PADI2: variants seen among roughly 807,000 people sequenced by gnomAD.
PADI2 encodes protein-arginine deiminase type-2.
In PADI2, 70 loss-of-function variants were observed where a neutral mutation model predicts 81.1. That is an observed-to-expected ratio of 0.86 (90% CI 0.71 to 1.05). PADI2 has a LOEUF of 1.05. Ranked by LOEUF, PADI2 falls within the 50% of genes least tolerant of loss-of-function variation. The probability of loss-of-function intolerance (pLI) is 0.00; values close to 1 mark genes in which losing one functional copy is unlikely to be tolerated. For synonymous variants in PADI2, 338 were observed against 358.0 expected (o/e 0.94, Z 0.63); for missense variants, 853 against 889.9 (o/e 0.96, Z 0.53).
Position 17,075,698 on chromosome 1 carries a change from A to G in PADI2, c.1436T>C (p.Val479Ala), listed in dbSNP as rs1207638911. The change falls in exon 12 of 16, where the codon GTC becomes GCC. Residue 479 changes from valine (V) to alanine (A), a missense_variant. Val to Ala is a moderately conservative substitution (Grantham distance 64, BLOSUM62 0). Transcript: ENST00000375486. ...GCTTACCTTTGTGCCGGGGATGGGGACAAAGGACATGAACTCATCCACGTG... is the reference window on the plus strand; with the variant it reads ...GCTTACCTTTGTGCCGGGGATGGGGGCAAAGGACATGAACTCATCCACGTG... ...VGHVDEFMSF[V>A]PIPGTKKFLL... is the part of the protein sequence containing the mutation. The G allele has an allele frequency of 6.8e-6, 11 of 1,612,986 alleles. No homozygotes were observed. The highest frequency in any genetic ancestry group is 8.5e-6 in the Non-Finnish European group (10 of 1,179,664).
At chr1:17,070,661 C>T in intron 14 of PADI2, among the ~76,000 whole-genome samples, 1 of 152,020 alleles carries the variant, frequency 6.6e-6, no homozygotes, top group East Asian at 1.9e-4. Context: ...TATTATTATT[C>T]CCTTTTAATT....
rs747897135 is a variant in PADI2 at position 17,082,586 on chromosome 1, G to C, written c.1117C>G (p.Arg373Gly). 1.2e-6 allele frequency: 2 copies of C among 1,613,556 alleles called. No individual in the cohort carries two copies. Among genetic ancestry groups the C allele is most frequent in the Non-Finnish European group, 1.7e-6 (2 of 1,179,666 alleles). ...GGGAAGTCCTTTAGGTTTCCATCTCGGGGAGAGTCCAGCACCACGGGGAAG... is the reference window on the plus strand; with the variant it reads ...GGGAAGTCCTTTAGGTTTCCATCTCCGGGAGAGTCCAGCACCACGGGGAAG... Reference protein sequence around the residue: ...KGFPVVLDSPRDGNLKDFPVK... With the variant: ...KGFPVVLDSPGDGNLKDFPVK... The change falls in exon 10 of 16, where the codon CGA becomes GGA. Residue 373 changes from arginine (R) to glycine (G), a missense_variant. By Grantham distance (125) the Arg-to-Gly change is moderately radical. Coordinates refer to ENST00000375486, the MANE Select transcript of PADI2 (RefSeq NM_007365.3).
At chr1:17,073,650 A>T (rs1443449585) in intron 13 of PADI2, among the ~76,000 whole-genome samples, 1 of 151,882 alleles carries the variant, frequency 6.6e-6, no homozygotes, top group Non-Finnish European at 1.5e-5. Flanking sequence ...TGAATGACTA[A>T]CTGTTGTCTA....
chr1:17,100,660 AT>A (rs11380769), intron 3 of PADI2, among the ~76,000 whole-genome samples: 1,731 of 131,002 alleles, frequency 0.013, 20 homozygotes, highest in African/African-American at 0.034. Flanking sequence ...TTGATAGCAA[AT>A]TTTTTTTTTT....
chr1:17,084,819 TGC>T, intron 7 of PADI2, 117 bp from the exon 8 acceptor site: 6 of 655,578 alleles, frequency 9.2e-6, no homozygotes, highest in Non-Finnish European at 1.4e-5. Flanking sequence ...GGACTTGCTA[TGC>T]ACCAAGCCTG....
At chr1:17,089,597 T>C (rs1474347799) in intron 6 of PADI2, among the ~76,000 whole-genome samples, 2 of 152,162 alleles carry the variant, frequency 1.3e-5, no homozygotes, top group African/African-American at 4.8e-5. Context: ...GCCCGTGGCC[T>C]GTGATTCACA....
intron 4 of PADI2, among the ~76,000 whole-genome samples, chr1:17,094,490 C>T (rs187171588): frequency 6.6e-6 from 1 of 152,316 alleles, no homozygotes; most frequent in African/African-American, 2.4e-5. Context: ...GACAGAGCAG[C>T]TTCCCCGGGT....
At position 17,100,963 on chromosome 1, in the gene PADI2, A is replaced by G. The variant is rs145311662; in HGVS notation, c.349+2024T>C. 3.4e-3 allele frequency among the ~76,000 whole-genome samples: 522 copies of G among 152,106 alleles called. 1 individual carries two copies. Among genetic ancestry groups the G allele is most frequent in the African/African-American group, 0.012 (490 of 41,486 alleles). ...GCGTGAGACACCGCGCCTGGCCACAAATTGTTTTATTGATGTATTTTTTTT... is the reference window on the plus strand; with the variant it reads ...GCGTGAGACACCGCGCCTGGCCACAGATTGTTTTATTGATGTATTTTTTTT... On this transcript the variant is annotated intron_variant, in intron 3 of 15. Coordinates refer to ENST00000375486, the MANE Select transcript of PADI2 (RefSeq NM_007365.3).
At chr1:17,086,485 G>A (rs766132052) in intron 7 of PADI2, 36 bp downstream of exon 7, 7 of 1,578,294 alleles carry the variant, frequency 4.4e-6, no homozygotes, top group Non-Finnish European at 6.0e-6. Context: ...TGGCCCCTGG[G>A]GTTAGCCCCC....
chr1:17,095,731 C>T (rs2076609), intron 4 of PADI2, among the ~76,000 whole-genome samples, 178 bp downstream of exon 4: 84,574 of 152,072 alleles, frequency 0.56, 23,990 homozygotes, highest in Non-Finnish European at 0.63. Flanking sequence ...GCTCTGTTGC[C>T]GTCTCTAGGA....
At chr1:17,110,734 T>G (rs1191122784) in intron 1 of PADI2, among the ~76,000 whole-genome samples, 1 of 152,212 alleles carries the variant, frequency 6.6e-6, no homozygotes, top group East Asian at 1.9e-4. Flanking sequence ...AGCAAGACTT[T>G]CCCCTGACTT....
chr1:17,094,093 C>T (rs570787642), intron 4 of PADI2, among the ~76,000 whole-genome samples: 1 of 152,242 alleles, frequency 6.6e-6, no homozygotes, highest in East Asian at 1.9e-4. Context: ...CCTAGTGCTC[C>T]GAATGGGACC....
chr1:17,103,162 A>C lies in PADI2; in HGVS notation c.277-103T>G, dbSNP rs1931213084. 3.7e-6 allele frequency: 3 copies of C among 801,182 alleles called. No homozygotes were observed. In the South Asian group the frequency reaches 4.5e-5, roughly 12 times the overall value. The allele number at this position is 801,182 out of a possible 1,614,324, so 49.6% of individuals were successfully genotyped here. On this transcript the variant is annotated intron_variant, in intron 2 of 15. Coordinates refer to ENST00000375486, the MANE Select transcript of PADI2 (RefSeq NM_007365.3). ...CAACTGCTGTCCCTCACAGCTTGTC[A>C]AGCCAACCCTCTCCAAACATCAGAA... is the stretch of plus-strand genomic sequence containing the variant.
At chr1:17,102,763 G>A (rs1931193207) in intron 3 of PADI2, among the ~76,000 whole-genome samples, 1 of 149,578 alleles carries the variant, frequency 6.7e-6, no homozygotes, top group Non-Finnish European at 1.5e-5. Flanking sequence ...GGGGGGGGTT[G>A]CTGATGGATC....
intron 6 of PADI2, among the ~76,000 whole-genome samples, chr1:17,091,719 C>A (rs774806410): frequency 4.6e-5 from 7 of 152,152 alleles, no homozygotes; most frequent in Non-Finnish European, 7.3e-5. Context: ...TCTAGTGGTG[C>A]CTCTGCCCTG....
In PADI2 at chr1:17,103,076, C is replaced by G. The variant is rs1430842104; in HGVS notation, c.277-17G>C. Reference sequence around the variant, plus strand: ...GACGGTGACCTTGGTGGGGAGGGGGCACATTGGAGTAGAGAGAAAAGAGAG... The same window carrying G: ...GACGGTGACCTTGGTGGGGAGGGGGGACATTGGAGTAGAGAGAAAAGAGAG... On this transcript the variant is annotated splice_polypyrimidine_tract_variant and intron_variant, in intron 2 of 15. Coordinates refer to ENST00000375486, the MANE Select transcript of PADI2 (RefSeq NM_007365.3). 2.5e-6 allele frequency: 4 copies of G among 1,588,894 alleles called. No homozygotes were observed. In the African/African-American group the frequency reaches 5.4e-5, roughly 21 times the overall value.
chr1:17,098,859 G>A (rs1931039809), intron 3 of PADI2, among the ~76,000 whole-genome samples: 1 of 152,254 alleles, frequency 6.6e-6, no homozygotes, highest in African/African-American at 2.4e-5. Flanking sequence ...GGATGCTGCG[G>A]GTAGGGGCAG....
At chr1:17,095,746 C>T (rs1930900319) in intron 4 of PADI2, among the ~76,000 whole-genome samples, 163 bp downstream of exon 4, 1 of 152,124 alleles carries the variant, frequency 6.6e-6, no homozygotes, top group Non-Finnish European at 1.5e-5. Flanking sequence ...CTAGGAGATG[C>T]CTGAGCTCCT....
chr1:17,084,283 A>G (rs2078369191), intron 8 of PADI2, among the ~76,000 whole-genome samples: 1 of 152,244 alleles, frequency 6.6e-6, no homozygotes, highest in Admixed American at 6.5e-5. Flanking sequence ...TGTTTAATGA[A>G]TGAGTCAGAT....
Sources: gnomAD v4.1 joint callset for allele counts (sites outside exome capture counted in the v4.1 genomes callset) on GRCh38, gnomAD v4.1.1 for gene constraint, MANE v1.5 for transcripts, NCBI Gene and HGNC (gene_info 2026-07-23, HGNC 2026-07-21) for gene names.